The following ITGA11 variants were observed in gnomAD, a reference collection of about 807,000 sequenced individuals.
ITGA11 encodes integrin subunit alpha 11, also known as integrin alpha-11.
ITGA11 carries 97 observed loss-of-function variants against 141.9 expected under a neutral mutation model. That is an observed-to-expected ratio of 0.68 (90% confidence interval 0.58 to 0.81). The LOEUF is 0.81. ITGA11 is among the 30% of genes least tolerant of loss of function. ITGA11 has a pLI of 0.00. For synonymous variants in ITGA11, 658 were observed against 624.6 expected (o/e 1.05, Z -0.80); for missense variants, 1,387 against 1,559.2 (o/e 0.89, Z 1.86).
intron 2 of ITGA11, among the ~76,000 whole-genome samples, chr15:68,388,678 A>C (rs1034878237): frequency 6.6e-6 from 1 of 152,104 alleles, no homozygotes; most frequent in Admixed American, 6.5e-5. Context: ...CCCCTTTCTC[A>C]AGCCCCCACC....
At chr15:68,424,447 C>G (rs753230735) in intron 1 of ITGA11, among the ~76,000 whole-genome samples, 2 of 152,052 alleles carry the variant, frequency 1.3e-5, no homozygotes, top group African/African-American at 2.4e-5. Flanking sequence ...CTTGGATGCC[C>G]GTTAGAATTA....
chr15:68,413,055 C>T lies in ITGA11; in HGVS notation c.53-10026G>A, dbSNP rs567342942. 3.3e-5 allele frequency among the ~76,000 whole-genome samples: 5 copies of T among 152,130 alleles called. No individual in the cohort carries two copies. In the East Asian group the frequency reaches 5.8e-4, roughly 18 times the overall value. ...GCCTCCAAACTTTGTTTTTCTACAG[C>T]GAATCTCACATTTTTTGAACAAAAT... On this transcript the variant is annotated intron_variant, in intron 1 of 29. Transcript: ENST00000315757.
chr15:68,297,557 C>CTAT lies in ITGA11; in HGVS notation c.*5499_*5501dup, dbSNP rs1399360214. The CTAT allele has an allele frequency of 6.8e-6, 1 of 146,504 alleles. No individual in the cohort carries two copies. Among genetic ancestry groups the CTAT allele is most frequent in the African/African-American group, 2.5e-5 (1 of 39,598 alleles). 9.1% of individuals were successfully genotyped at this position (146,504 alleles called of 1,614,324 possible). On this transcript the variant is annotated 3_prime_UTR_variant, in exon 30 of 30. Transcript: ENST00000315757. Reference sequence around the variant, plus strand: ...TTTCTTTTTAATGAAGGTCTTACAACTATTTTCCTTTTATTACCACTACGT... The same window carrying CTAT: ...TTTCTTTTTAATGAAGGTCTTACAACTATTATTTTCCTTTTATTACCACTACGT...
chr15:68,389,595 A>G (rs375281732), intron 2 of ITGA11, among the ~76,000 whole-genome samples: 17 of 152,284 alleles, frequency 1.1e-4, no homozygotes, highest in African/African-American at 3.8e-4. Context: ...TAAAATGGGG[A>G]CAAATCTACT....
chr15:68,403,275 G>A lies in ITGA11; in HGVS notation c.53-246C>T, dbSNP rs138600712. Among the ~76,000 whole-genome samples, 12 of 152,300 alleles carry A rather than the reference G, an allele frequency of 7.9e-5. No individual in the cohort carries two copies. In the East Asian group the frequency reaches 2.3e-3, roughly 29 times the overall value. ...TGGGGGAGCCTGATATGGTTTCAATGTGTATCCCTTCCAAATCTGACGTTG... is the reference window on the plus strand; with the variant it reads ...TGGGGGAGCCTGATATGGTTTCAATATGTATCCCTTCCAAATCTGACGTTG... On this transcript the variant is annotated intron_variant, in intron 1 of 29. Coordinates refer to ENST00000315757, the MANE Select transcript of ITGA11 (RefSeq NM_001004439.2).
Position 68,333,131 on chromosome 15 carries a change from G to C in ITGA11, c.1426-653C>G, listed in dbSNP as rs2140305964. On this transcript the variant is annotated intron_variant, in intron 12 of 29. Transcript: ENST00000315757. The surrounding 1 kb of genome is among the most constrained non-coding windows in gnomAD (Gnocchi z 4.2). ...CTTTTTTTTTTTGAGGCAAGGTTTT[G>C]CTCCATCACCCAGACTGGAGTGCAA... Among the ~76,000 whole-genome samples the C allele has an allele frequency of 7.0e-6, 1 of 143,338 alleles. No homozygotes were observed. Among genetic ancestry groups the C allele is most frequent in the Middle Eastern group, 3.8e-3 (1 of 262 alleles). The allele number at this position is 143,338 out of a possible 152,430, so 94.0% of individuals were successfully genotyped here.
intron 2 of ITGA11, among the ~76,000 whole-genome samples, chr15:68,390,792 A>G (rs1251171484): frequency 2.0e-5 from 3 of 152,156 alleles, no homozygotes; most frequent in African/African-American, 4.8e-5. Flanking sequence ...GCTCATTCCT[A>G]TTTTACACAT....
In ITGA11 at chr15:68,325,043, C is replaced by G. The variant is rs758929377; in HGVS notation, c.2322+88G>C. ...GATGAGGGATGGTGTCCTCTGTACCCGGCACACTCAGGCTCTGGGCTTTGG... is the reference window on the plus strand; with the variant it reads ...GATGAGGGATGGTGTCCTCTGTACCGGGCACACTCAGGCTCTGGGCTTTGG... On this transcript the variant is annotated intron_variant, in intron 18 of 29. Coordinates refer to ENST00000315757, the MANE Select transcript of ITGA11 (RefSeq NM_001004439.2). This position sits in a 1 kb window ranked among gnomAD's most constrained non-coding sequence, Gnocchi z 5.5. 1 of 963,782 alleles carries G rather than the reference C, an allele frequency of 1.0e-6. No individual in the cohort carries two copies. The highest frequency in any genetic ancestry group is 1.7e-6 in the Non-Finnish European group (1 of 594,990). 59.7% of individuals were successfully genotyped at this position (963,782 alleles called of 1,614,324 possible).
rs1595846471 is a variant in ITGA11, at chr15:68,302,999, T to G, written c.*60A>C. 1.4e-6 allele frequency: 2 copies of G among 1,385,298 alleles called. No homozygotes were observed. The highest frequency in any genetic ancestry group is 2.0e-6 in the Non-Finnish European group (2 of 1,010,084). 85.8% of individuals were successfully genotyped at this position (1,385,298 alleles called of 1,614,324 possible). A position where few individuals can be genotyped will look rare whatever the true frequency, so the allele number is the denominator to read the frequency against. Reference sequence around the variant, plus strand: ...AGCTCGGTGGGGCCACAGGCCTGGGTCTCAACACTACCTGGACTGGTGTCC... The same window carrying G: ...AGCTCGGTGGGGCCACAGGCCTGGGGCTCAACACTACCTGGACTGGTGTCC... On this transcript the variant is annotated 3_prime_UTR_variant, in exon 30 of 30. Coordinates refer to ENST00000315757, the MANE Select transcript of ITGA11 (RefSeq NM_001004439.2).
chr15:68,353,805 G>C (rs144765321), intron 7 of ITGA11, among the ~76,000 whole-genome samples: 9 of 152,224 alleles, frequency 5.9e-5, no homozygotes, highest in African/African-American at 1.2e-4. Context: ...AACCTGCACA[G>C]GTTCCTATTT....
At chr15:68,374,160 C>T (rs1222981182) in intron 2 of ITGA11, among the ~76,000 whole-genome samples, 13 of 152,190 alleles carry the variant, frequency 8.5e-5, no homozygotes. Flanking sequence ...TCATGCTCCA[C>T]CTGGGGCCTG....
At chr15:68,368,859 C>G (rs974060381) in intron 3 of ITGA11, among the ~76,000 whole-genome samples, 3 of 69,002 alleles carry the variant, frequency 4.3e-5, no homozygotes, top group Admixed American at 2.5e-4. Flanking sequence ...GACAGGAAGT[C>G]CTTTTTTTTT....
At chr15:68,306,193 A>G (rs561037556) in intron 28 of ITGA11, among the ~76,000 whole-genome samples, 5 of 151,178 alleles carry the variant, frequency 3.3e-5, no homozygotes, top group African/African-American at 1.2e-4. Flanking sequence ...CCGTCTCAAA[A>G]AAAAAAAAAA....
At chr15:68,425,250 A>G (rs944923597) in intron 1 of ITGA11, among the ~76,000 whole-genome samples, 2 of 152,208 alleles carry the variant, frequency 1.3e-5, no homozygotes, top group Non-Finnish European at 2.9e-5. Flanking sequence ...ACAGTGGCTG[A>G]GGGCCTCATG....
At chr15:68,371,962 T>C (rs1329483522) in intron 2 of ITGA11, among the ~76,000 whole-genome samples, 6 of 152,212 alleles carry the variant, frequency 3.9e-5, no homozygotes, top group Non-Finnish European at 8.8e-5. Flanking sequence ...CTCATTTCTC[T>C]GGGAGTCCAT....
intron 10 of ITGA11, among the ~76,000 whole-genome samples, chr15:68,341,769 G>A (rs900553846): frequency 5.3e-5 from 8 of 152,224 alleles, no homozygotes; most frequent in African/African-American, 1.9e-4. Context: ...GCAGATGACA[G>A]GGAGCCCCTG....
intron 21 of ITGA11, among the ~76,000 whole-genome samples, chr15:68,315,965 G>A (rs547184665): frequency 2.0e-5 from 3 of 152,316 alleles, no homozygotes; most frequent in South Asian, 4.1e-4. Flanking sequence ...GGGGTTTCTC[G>A]GGGCTGAGCC....
rs982615718 is a variant in ITGA11 at position 68,308,698 on chromosome 15, G to A, written c.3175-1002C>T. Reference sequence around the variant, plus strand: ...GCGGAGGTCGCAGTGAGCCGAGATCGTGCCACTGCACTCCAGCTGGGTGAC... The same window carrying A: ...GCGGAGGTCGCAGTGAGCCGAGATCATGCCACTGCACTCCAGCTGGGTGAC... On this transcript the variant is annotated intron_variant, in intron 26 of 29. Transcript: ENST00000315757. This position sits in a 1 kb window ranked among gnomAD's most constrained non-coding sequence, Gnocchi z 5.2. Among the ~76,000 whole-genome samples the A allele has an allele frequency of 2.6e-5, 4 of 151,598 alleles. No homozygotes were observed. The highest frequency in any genetic ancestry group is 4.4e-5 in the Non-Finnish European group (3 of 68,002).
chr15:68,314,618 A>C (rs1337395580), intron 22 of ITGA11, among the ~76,000 whole-genome samples: 1 of 152,066 alleles, frequency 6.6e-6, no homozygotes, highest in African/African-American at 2.4e-5. Context: ...TAATTCTCAG[A>C]CACCCCCCAC....
Sources: gnomAD v4.1 joint callset for allele counts (sites outside exome capture counted in the v4.1 genomes callset) on GRCh38, gnomAD v4.1.1 for gene constraint, Gnocchi (gnomAD v3.1) non-coding constraint, MANE v1.5 for transcripts, NCBI Gene and HGNC (gene_info 2026-07-23, HGNC 2026-07-21) for gene names.